The following ZNF318 variants were observed in gnomAD, a reference collection of about 807,000 sequenced individuals.
ZNF318 encodes zinc finger protein 318.
ZNF318 carries 51 observed loss-of-function variants against 124.2 expected under a neutral mutation model. The ratio of observed to expected loss-of-function variants is 0.41; its 90% CI spans 0.33 to 0.52. The LOEUF is 0.52. Ranked by LOEUF, ZNF318 falls within the 20% of genes least tolerant of loss-of-function variation. The pLI is 0.23. For missense variants in ZNF318, 2,815 were observed against 2,811.2 expected (o/e 1.00, Z -0.03); for synonymous variants, 1,090 against 1,040.7 (o/e 1.05, Z -0.91).
chr6:43,340,257 A>T lies in ZNF318; in HGVS notation c.3741T>A (p.Ala1247=). 1.9e-6 allele frequency: 3 copies of T among 1,613,784 alleles called. No homozygotes were observed. The South Asian group carries it at 3.3e-5, about 18-fold the overall frequency. ...TGATGCCAGTGTTCCTTTTATTTTC[A>T]GCTTTTTCAGGGGAGTTCCTACCCT... The part of the protein sequence containing the change: ...LSEGRNSPEK[A]ENKRNTGIKL... Residue 1247 remains alanine, a synonymous_variant, in exon 10 of 10, where the codon GCT becomes GCA. Coordinates refer to ENST00000361428, the MANE Select transcript of ZNF318 (RefSeq NM_014345.3).
At chr6:43,349,386 C>CTTTTTT (rs369338217) in intron 5 of ZNF318, among the ~76,000 whole-genome samples, 3 of 124,168 alleles carry the variant, frequency 2.4e-5, no homozygotes, top group African/African-American at 2.9e-5. Flanking sequence ...TCTGGTTTAT[C>CTTTTTT]TTTTTTTTTT....
At position 43,358,399 on chromosome 6, in the gene ZNF318, C is replaced by T. The variant is rs185617116; in HGVS notation, c.549-634G>A. The stretch of plus-strand genomic sequence containing the variant: ...AGTAACTGGGCCTATAGGCACCAGC[C>T]ATCACACCCGGCTAATTTTTTTTTT... On this transcript the variant is annotated intron_variant, in intron 2 of 9. Coordinates refer to ENST00000361428, the MANE Select transcript of ZNF318 (RefSeq NM_014345.3). 1.4e-3 allele frequency among the ~76,000 whole-genome samples: 215 copies of T among 149,984 alleles called. 1 individual carries two copies. Among genetic ancestry groups the T allele is most frequent in the African/African-American group, 5.0e-3 (205 of 40,652 alleles).
chr6:43,351,862 A>G (rs913729272), intron 5 of ZNF318, among the ~76,000 whole-genome samples: 2 of 152,106 alleles, frequency 1.3e-5, no homozygotes, highest in African/African-American at 2.4e-5. Flanking sequence ...ATAATCTGGC[A>G]GGGTGTGGGA....
At chr6:43,366,680 C>T (rs926873900) in intron 1 of ZNF318, among the ~76,000 whole-genome samples, 2 of 152,116 alleles carry the variant, frequency 1.3e-5, no homozygotes, top group Non-Finnish European at 2.9e-5. Flanking sequence ...TTGGTACGCA[C>T]CTGTAGTCCC....
Position 43,355,562 on chromosome 6 carries a change from T to C in ZNF318, c.1772A>G (p.Lys591Arg), listed in dbSNP as rs1363510031. The change falls in exon 4 of 10, where the codon AAG becomes AGG. Residue 591 changes from lysine (K) to arginine (R), a missense_variant. Transcript: ENST00000361428. ...SLEETNPEYA[K>R]IHDLLKTIGL... The stretch of plus-strand genomic sequence containing the variant: ...TATTGTCTTGAGCAAGTCATGGATC[T>C]TCGCATATTCTGGATTGGTCTCTTC... 2 of 1,614,122 alleles carry C rather than the reference T, an allele frequency of 1.2e-6. No individual in the cohort carries two copies. Among genetic ancestry groups the C allele is most frequent in the African/African-American group, 2.7e-5 (2 of 74,940 alleles).
chr6:43,348,462 C>G lies in ZNF318; in HGVS notation c.2934G>C (p.Gln978His). 6 of 1,614,152 alleles carry G rather than the reference C, an allele frequency of 3.7e-6. No individual in the cohort carries two copies. Among genetic ancestry groups the G allele is most frequent in the Non-Finnish European group, 5.1e-6 (6 of 1,180,026 alleles). The change falls in exon 6 of 10, where the codon CAG becomes CAC. Residue 978 changes from glutamine to histidine, a missense_variant. Physicochemically the swap from Gln to His is conservative, Grantham distance 24. Transcript: ENST00000361428. The part of the protein sequence containing the change: ...KKQSELDKVA[Q>H]ILGINIFDKS... ...TATCGAAGATGTTAATTCCCAAGATCTGAGCCACTTTGTCCAGTTCAGATT... is the reference window on the plus strand; with the variant it reads ...TATCGAAGATGTTAATTCCCAAGATGTGAGCCACTTTGTCCAGTTCAGATT...
chr6:43,351,589 CA>C (rs1339431821), intron 5 of ZNF318, among the ~76,000 whole-genome samples: 2 of 151,878 alleles, frequency 1.3e-5, no homozygotes, highest in Non-Finnish European at 2.9e-5. Flanking sequence ...GATGAAACCC[CA>C]TTGCTACTAA....
intron 5 of ZNF318, 111 bp downstream of exon 5, chr6:43,352,265 CA>C (rs548950229): frequency 2.0e-3 from 898 of 444,942 alleles, no homozygotes; most frequent in South Asian, 4.9e-3. Flanking sequence ...TTAATTACGT[CA>C]AAAAAAAATT....
At position 43,338,974 on chromosome 6, in the gene ZNF318, T is replaced by C; in HGVS notation, c.5024A>G (p.Gln1675Arg). 3 of 1,614,228 alleles carry C rather than the reference T, an allele frequency of 1.9e-6. No homozygotes were observed. The highest frequency in any genetic ancestry group is 2.5e-6 in the Non-Finnish European group (3 of 1,180,040). Residue 1675 changes from glutamine (Q) to arginine (R), a missense_variant, in exon 10 of 10, where the codon CAG becomes CGG. This residue lies in a region of ZNF318 where 927 missense variants were observed against 820.6 expected (regional missense o/e 1.13). Coordinates refer to ENST00000361428, the MANE Select transcript of ZNF318 (RefSeq NM_014345.3). Reference sequence around the variant, plus strand: ...GCTTTGGCACAACCTTGTCAGAGGCTGTAGGAAGCCATAGGTGCTGCCTGT... The same window carrying C: ...GCTTTGGCACAACCTTGTCAGAGGCCGTAGGAAGCCATAGGTGCTGCCTGT... The part of the protein sequence containing the change: ...KSTGSTYGFL[Q>R]PLTRLCQSRP...
chr6:43,361,334 G>A (rs905402986), intron 2 of ZNF318, among the ~76,000 whole-genome samples: 2 of 152,232 alleles, frequency 1.3e-5, no homozygotes, highest in African/African-American at 4.8e-5. Context: ...AGAGGCCAGG[G>A]CAGAAGGATT....
rs1779297362 is a variant in ZNF318, at chr6:43,337,397, T to C, written c.6601A>G (p.Ser2201Gly). Residue 2201 changes from serine to glycine, a missense_variant, in exon 10 of 10, where the codon AGT becomes GGT. Ser to Gly is a moderately conservative substitution (Grantham distance 56). Around this residue, in one of 4 missense-constraint regions of ZNF318, gnomAD observed 927 missense variants for 820.6 expected, o/e 1.13. Transcript: ENST00000361428. ...TGTAATGGCCCCAACTCCAGGGAACTACATTTAGAAGGGTCACCTGGCTCA... is the reference window on the plus strand; with the variant it reads ...TGTAATGGCCCCAACTCCAGGGAACCACATTTAGAAGGGTCACCTGGCTCA... ...LSEPGDPSKC[S>G]SLELGPLQLE... The C allele has an allele frequency of 2.5e-6, 4 of 1,614,068 alleles. No homozygotes were observed. The highest frequency in any genetic ancestry group is 3.4e-6 in the Non-Finnish European group (4 of 1,180,026).
At chr6:43,368,829 C>A in intron 1 of ZNF318, 138 bp downstream of exon 1, 1 of 1,234,658 alleles carries the variant, frequency 8.1e-7, no homozygotes. Flanking sequence ...AGCCTCCAGG[C>A]TCGGCATCCC....
intron 1 of ZNF318, 42 bp downstream of exon 1, chr6:43,368,925 G>T: frequency 7.5e-7 from 1 of 1,331,538 alleles, no homozygotes; most frequent in South Asian, 1.8e-5. Flanking sequence ...CGGGGGAGGG[G>T]ACTGGGGGAT....
chr6:43,340,514 A>G lies in ZNF318; in HGVS notation c.3496-12T>C. 1 of 1,568,966 alleles carries G rather than the reference A, an allele frequency of 6.4e-7. No homozygotes were observed. Among genetic ancestry groups the G allele is most frequent in the Non-Finnish European group, 8.6e-7 (1 of 1,163,898 alleles). On this transcript the variant is annotated splice_polypyrimidine_tract_variant and intron_variant, in intron 9 of 9. Coordinates refer to ENST00000361428, the MANE Select transcript of ZNF318 (RefSeq NM_014345.3). ...TCATCCACATATTTCTGGGAAGAAA[A>G]AAGATAAAGACTCAAAAACTGGTGA...
chr6:43,360,555 T>G (rs1413551456), intron 2 of ZNF318, among the ~76,000 whole-genome samples: 1 of 152,236 alleles, frequency 6.6e-6, no homozygotes, highest in African/African-American at 2.4e-5. Context: ...CACTGTACTA[T>G]TCTACATTTT....
chr6:43,354,588 C>G (rs1779576957), intron 4 of ZNF318, 76 bp downstream of exon 4: 1 of 1,379,200 alleles, frequency 7.3e-7, no homozygotes, highest in African/African-American at 1.4e-5. Context: ...AAATTTTCAG[C>G]CCCTTCTAAA....
At position 43,339,598 on chromosome 6, in the gene ZNF318, G is replaced by T. The variant is rs745333657; in HGVS notation, c.4400C>A (p.Ala1467Asp). The change falls in exon 10 of 10, where the codon GCT becomes GAT. Residue 1467 changes from alanine (A) to aspartate (D), a missense_variant. Physicochemically the swap from Ala to Asp is moderately radical, Grantham distance 126. Coordinates refer to ENST00000361428, the MANE Select transcript of ZNF318 (RefSeq NM_014345.3). The surrounding 1 kb of genome is among the most constrained non-coding windows in gnomAD (Gnocchi z 4.2). ...VIPHPAAPSA[A>D]QANAILAPVK... ...TGGAGCCAAGATAGCATTTGCTTGA[G>T]CAGCAGACGGGGCAGCTGGATGAGG... 1.8e-5 allele frequency: 28 copies of T among 1,548,632 alleles called. No individual in the cohort carries two copies. The South Asian group carries it at 3.0e-4, about 17-fold the overall frequency.
chr6:43,345,243 C>T (rs1410494568), intron 6 of ZNF318, among the ~76,000 whole-genome samples: 3 of 45,680 alleles, frequency 6.6e-5, no homozygotes, highest in Admixed American at 2.4e-4. Context: ...GAGACCCTGT[C>T]TCAAAAAAAA....
intron 8 of ZNF318, among the ~76,000 whole-genome samples, chr6:43,341,656 A>G (rs981086043): frequency 0.028 from 18 of 632 alleles, no homozygotes; most frequent in East Asian, 0.17. Context: ...TCTCAGAGGA[A>G]AAAAAAAAAA....
Sources: allele counts gnomAD v4.1 joint callset (sites outside exome capture counted in the v4.1 genomes callset), GRCh38; gene constraint gnomAD v4.1.1; regional missense constraint gnomAD v4.1.1; non-coding constraint Gnocchi (gnomAD v3.1); transcripts MANE v1.5; gene names NCBI Gene and HGNC (gene_info 2026-07-23, HGNC 2026-07-21).